TGFBR2: variants seen among roughly 807,000 people sequenced by gnomAD.
TGFBR2 encodes transforming growth factor beta receptor 2.
In TGFBR2, 18 loss-of-function variants were observed where a neutral mutation model predicts 49.0. The ratio of observed to expected loss-of-function variants is 0.37; its 90% CI spans 0.25 to 0.54. The LOEUF is 0.54. Among genes scored for constraint, TGFBR2 ranks in the 20% least tolerant of loss-of-function variants. The pLI is 0.85. For synonymous variants in TGFBR2, 282 were observed against 275.9 expected (o/e 1.02, Z -0.22); for missense variants, 525 against 722.6 (o/e 0.73, Z 3.13).
At chr3:30,671,031 T>C (rs565145146) in intron 3 of TGFBR2, among the ~76,000 whole-genome samples, 112 of 152,360 alleles carry the variant, frequency 7.4e-4, no homozygotes, top group African/African-American at 2.7e-3. Context: ...TGGCACGCTC[T>C]GTGTTTTTAC....
chr3:30,636,855 G>T (rs1157765945), intron 1 of TGFBR2, among the ~76,000 whole-genome samples: 1 of 151,956 alleles, frequency 6.6e-6, no homozygotes, highest in African/African-American at 2.4e-5. Context: ...ACGAGGTCAG[G>T]AGATCGAGAC....
chr3:30,633,726 G>C (rs1431831699), intron 1 of TGFBR2, among the ~76,000 whole-genome samples: 1 of 152,130 alleles, frequency 6.6e-6, no homozygotes, highest in South Asian at 2.1e-4. Context: ...ATTTCTTTAA[G>C]TGGAATTAGA....
chr3:30,672,536 C>T lies in TGFBR2; in HGVS notation c.1254+99C>T. 3.1e-6 allele frequency: 4 copies of T among 1,303,572 alleles called. No homozygotes were observed. The highest frequency in any genetic ancestry group is 4.4e-6 in the Non-Finnish European group (4 of 900,726). The allele number at this position is 1,303,572 out of a possible 1,614,324, so 80.8% of individuals were successfully genotyped here. A position where few individuals can be genotyped will look rare whatever the true frequency, so the allele number is the denominator to read the frequency against. ...GGCTCTTATCTCAAACAGCCCTGTACTCTGGACACTGGTCTAGGGAATCTA... is the reference window on the plus strand; with the variant it reads ...GGCTCTTATCTCAAACAGCCCTGTATTCTGGACACTGGTCTAGGGAATCTA... On this transcript the variant is annotated intron_variant, in intron 4 of 6. Transcript: ENST00000295754. This position sits in a 1 kb window ranked among gnomAD's most constrained non-coding sequence, Gnocchi z 4.5.
At chr3:30,638,149 G>A (rs150950331) in intron 1 of TGFBR2, among the ~76,000 whole-genome samples, 64 of 152,130 alleles carry the variant, frequency 4.2e-4, no homozygotes, top group African/African-American at 1.4e-3. Context: ...TTAAAGTAGC[G>A]TTTTTTTAAC....
chr3:30,652,230 TTG>T (rs1355155080), intron 3 of TGFBR2, among the ~76,000 whole-genome samples: 1 of 98,958 alleles, frequency 1.0e-5, no homozygotes, highest in African/African-American at 4.3e-5. Context: ...TCTTTTCTGG[TTG>T]TTTTTTTTTT....
In TGFBR2 at chr3:30,649,374, G is replaced by A. The variant is rs17838700; in HGVS notation, c.264-896G>A. On this transcript the variant is annotated intron_variant, in intron 2 of 6. Coordinates refer to ENST00000295754, the MANE Select transcript of TGFBR2 (RefSeq NM_003242.6). The stretch of plus-strand genomic sequence containing the variant: ...GTTCTTTTGTTCAATTATAATAGTG[G>A]GCATTAATCATGTTGTTTAAAAATC... 1.4e-4 allele frequency among the ~76,000 whole-genome samples: 22 copies of A among 152,122 alleles called. No individual in the cohort carries two copies. The East Asian group carries it at 1.5e-3, about 11-fold the overall frequency.
chr3:30,636,632 CTATT>C, intron 1 of TGFBR2, among the ~76,000 whole-genome samples: 1 of 152,202 alleles, frequency 6.6e-6, no homozygotes, highest in Non-Finnish European at 1.5e-5. Context: ...AGTTTTCTAC[CTATT>C]TATTTTCCTT....
At chr3:30,606,504 A>C, upstream of TGFBR2, 1 of 252,214 alleles carries the variant, frequency 4.0e-6, no homozygotes, top group Non-Finnish European at 7.7e-6. Flanking sequence ...GACGTCGAGG[A>C]GAGGGAGAAG....
At chr3:30,645,130 A>G (rs1484301417) in intron 2 of TGFBR2, among the ~76,000 whole-genome samples, 1 of 152,122 alleles carries the variant, frequency 6.6e-6, no homozygotes, top group Admixed American at 6.5e-5. Flanking sequence ...TAAACGTATC[A>G]TGATTATAAA....
chr3:30,617,335 A>G (rs1698150871), intron 1 of TGFBR2, among the ~76,000 whole-genome samples: 1 of 152,186 alleles, frequency 6.6e-6, no homozygotes, highest in Admixed American at 6.5e-5. Flanking sequence ...TTGTTACTAC[A>G]TATCGGATTT....
At chr3:30,626,313 G>A (rs1698329926) in intron 1 of TGFBR2, 1 of 152,168 alleles carries the variant, frequency 6.6e-6, no homozygotes, top group African/African-American at 2.4e-5. Context: ...AAACTCATCT[G>A]CAGAACAGAG....
intron 6 of TGFBR2, among the ~76,000 whole-genome samples, chr3:30,690,396 C>T (rs1018602440): frequency 2.6e-5 from 4 of 152,200 alleles, no homozygotes; most frequent in Admixed American, 6.5e-5. Flanking sequence ...GAGCTTGATT[C>T]GGTTAGGGTG....
chr3:30,607,797 A>ATATATAT (rs1202221023), intron 1 of TGFBR2, among the ~76,000 whole-genome samples: 9 of 131,704 alleles, frequency 6.8e-5, no homozygotes, highest in South Asian at 2.5e-4. Flanking sequence ...TAAAAATAAA[A>ATATATAT]AAATATATAT....
At chr3:30,660,515 A>G (rs1435275992) in intron 3 of TGFBR2, among the ~76,000 whole-genome samples, 2 of 152,172 alleles carry the variant, frequency 1.3e-5, no homozygotes, top group East Asian at 3.9e-4. Context: ...ATCTTTTTAT[A>G]TTTTTCGTCA....
rs1553624165 is a variant in TGFBR2, at chr3:30,607,799, A to AATATAT, written c.94+831_94+836dup. Among the ~76,000 whole-genome samples, 153 of 138,302 alleles carry AATATAT rather than the reference A, an allele frequency of 1.1e-3. 2 individuals carry two copies. Among genetic ancestry groups the AATATAT allele is most frequent in the African/African-American group, 3.8e-3 (140 of 36,902 alleles). The allele number at this position is 138,302 out of a possible 152,430, so 90.7% of individuals were successfully genotyped here. ...TTTAAGGAAAAAATAAAAATAAAAA[A>AATATAT]ATATATATATATATTATATATATAT... On this transcript the variant is annotated intron_variant, in intron 1 of 6. Coordinates refer to ENST00000295754, the MANE Select transcript of TGFBR2 (RefSeq NM_003242.6).
At chr3:30,607,010 G>A (rs2125438903) in intron 1 of TGFBR2, 33 bp downstream of exon 1, 1 of 1,539,004 alleles carries the variant, frequency 6.5e-7, no homozygotes, top group South Asian at 1.2e-5. Flanking sequence ...TCGGCGGGGC[G>A]CCGGGGGTCT....
chr3:30,647,579 CATT>C (rs1337569787), intron 2 of TGFBR2, among the ~76,000 whole-genome samples: 2 of 151,996 alleles, frequency 1.3e-5, no homozygotes, highest in Non-Finnish European at 2.9e-5. Flanking sequence ...TTCATTCATT[CATT>C]CATTCATTTA....
intron 1 of TGFBR2, among the ~76,000 whole-genome samples, chr3:30,636,889 C>T: frequency 6.6e-6 from 1 of 151,748 alleles, no homozygotes; most frequent in East Asian, 1.9e-4. Context: ...ACGGTGAAAC[C>T]CCGTCTCTAC....
At chr3:30,609,322 C>T (rs1161745650) in intron 1 of TGFBR2, among the ~76,000 whole-genome samples, 4 of 152,084 alleles carry the variant, frequency 2.6e-5, no homozygotes, top group East Asian at 1.9e-4. Context: ...ATTTCTCTAA[C>T]GTAATTGGTA....
Sources: allele counts gnomAD v4.1 joint callset (sites outside exome capture counted in the v4.1 genomes callset), GRCh38; gene constraint gnomAD v4.1.1; non-coding constraint Gnocchi (gnomAD v3.1); transcripts MANE v1.5; gene names NCBI Gene and HGNC (gene_info 2026-07-23, HGNC 2026-07-21).